DBR1: variants seen among roughly 807,000 people sequenced by gnomAD.
DBR1 encodes debranching RNA lariats 1.
Under a neutral mutation model 45.9 loss-of-function variants are expected in DBR1, and 33 were observed. The ratio of observed to expected loss-of-function variants is 0.72; its 90% CI spans 0.55 to 0.96. DBR1 has a LOEUF of 0.96. Ranked by LOEUF, DBR1 falls within the 40% of genes least tolerant of loss-of-function variation. The pLI is 0.00. For missense variants in DBR1, 619 were observed against 667.4 expected (o/e 0.93, Z 0.80); for synonymous variants, 235 against 235.9 (o/e 1.00, Z 0.04).
chr3:138,173,679 A>G, intron 1 of DBR1, 53 bp from the exon 2 acceptor site: 1 of 1,526,510 alleles, frequency 6.6e-7, no homozygotes. Flanking sequence ...CAGAAAAGCA[A>G]ATAAGTTCCG....
rs772853801 is a variant in DBR1 at position 138,162,467 on chromosome 3, G to T, written c.1057C>A (p.Pro353Thr). The T allele has an allele frequency of 1.9e-6, 3 of 1,613,992 alleles. No individual in the cohort carries two copies. Among genetic ancestry groups the T allele is most frequent in the Admixed American group, 1.7e-5 (1 of 59,996 alleles). ...VTAACYDPSK[P>T]QTQMQLIHRI... ...TGAATCAGCTGCATTTGTGTCTGTGGCTTGCTAGGATCATAACAAGCAGCT... is the reference window on the plus strand; with the variant it reads ...TGAATCAGCTGCATTTGTGTCTGTGTCTTGCTAGGATCATAACAAGCAGCT... Residue 353 changes from proline to threonine, a missense_variant, in exon 8 of 8, where the codon CCA becomes ACA. Physicochemically the swap from Pro to Thr is conservative, Grantham distance 38. Coordinates refer to ENST00000260803, the MANE Select transcript of DBR1 (RefSeq NM_016216.4).
At position 138,170,119 on chromosome 3, in the gene DBR1, A is replaced by G; in HGVS notation, c.477T>C (p.Tyr159=). ...GCTTTTTACGTACCTGTTTTAATTT[A>G]TAGACTTCAATATTTCTCACATGAT... ...SIYHVRNIEV[Y]KLKQLKQPID... The change falls in exon 4 of 8, where the codon TAT becomes TAC. Residue 159 remains tyrosine (Y), a synonymous_variant. Transcript: ENST00000260803. The G allele has an allele frequency of 2.5e-6, 4 of 1,581,116 alleles. No individual in the cohort carries two copies. Among genetic ancestry groups the G allele is most frequent in the Non-Finnish European group, 3.5e-6 (4 of 1,154,412 alleles).
At chr3:138,173,047 C>T (rs1477342642) in intron 2 of DBR1, among the ~76,000 whole-genome samples, 2 of 146,426 alleles carry the variant, frequency 1.4e-5, no homozygotes, top group African/African-American at 2.5e-5. Flanking sequence ...AATAATCTAA[C>T]GGTTGGACTT....
chr3:138,167,099 G>A lies in DBR1; in HGVS notation c.696C>T (p.Ala232=), dbSNP rs777515761. The A allele has an allele frequency of 2.3e-5, 37 of 1,613,920 alleles. No homozygotes were observed. Among genetic ancestry groups the A allele is most frequent in the African/African-American group, 8.0e-5 (6 of 74,898 alleles). The change falls in exon 5 of 8, where the codon GCC becomes GCT. Residue 232 remains alanine (A), a synonymous_variant. Coordinates refer to ENST00000260803, the MANE Select transcript of DBR1 (RefSeq NM_016216.4). ...TTTCTACCTGATGCTGCATCAAGGC[G>A]GCAAACTTCACATGAAGGTGGGCAG... ...WFSAHLHVKF[A]ALMQHQAKDK...
intron 4 of DBR1, among the ~76,000 whole-genome samples, chr3:138,168,734 A>T (rs1161724063): frequency 6.6e-6 from 1 of 151,964 alleles, no homozygotes; most frequent in Non-Finnish European, 1.5e-5. Context: ...AGGCAGAAGG[A>T]TCGCTTGAGT....
rs1172217232 is a variant in DBR1, at chr3:138,161,876, C to T, written c.*13G>A. 1 of 1,596,378 alleles carries T rather than the reference C, an allele frequency of 6.3e-7. No individual in the cohort carries two copies. The highest frequency in any genetic ancestry group is 1.3e-5 in the African/African-American group (1 of 74,474). On this transcript the variant is annotated 3_prime_UTR_variant, in exon 8 of 8. Coordinates refer to ENST00000260803, the MANE Select transcript of DBR1 (RefSeq NM_016216.4). ...AAACAAAACAAACACAAAAACAAAACAAGTAAATCATCTTAAGCTGCATCG... is the reference window on the plus strand; with the variant it reads ...AAACAAAACAAACACAAAAACAAAATAAGTAAATCATCTTAAGCTGCATCG...
intron 2 of DBR1, among the ~76,000 whole-genome samples, chr3:138,172,931 T>C (rs1208920339): frequency 1.3e-5 from 2 of 152,112 alleles, no homozygotes; most frequent in African/African-American, 4.8e-5. Context: ...ACCACGAACA[T>C]GGCAATAGAT....
Position 138,161,861 on chromosome 3 carries a change from AACAC to A in DBR1, c.*24_*27del. The A allele has an allele frequency of 1.3e-6, 2 of 1,579,444 alleles. No individual in the cohort carries two copies. ...AACTCCATCTCAAAAAAACAAAACA[AACAC>A]AAAAACAAAACAAGTAAATCATCTT... On this transcript the variant is annotated 3_prime_UTR_variant, in exon 8 of 8. Transcript: ENST00000260803.
At chr3:138,174,505 C>T in intron 1 of DBR1, 94 bp downstream of exon 1, 1 of 1,315,230 alleles carries the variant, frequency 7.6e-7, no homozygotes, top group Non-Finnish European at 1.1e-6. Context: ...ACAGAGAGAA[C>T]AAAGACAGGA....
At chr3:138,173,018 C>T (rs1179360287) in intron 2 of DBR1, among the ~76,000 whole-genome samples, 2 of 149,684 alleles carry the variant, frequency 1.3e-5, no homozygotes, top group Non-Finnish European at 3.0e-5. Context: ...AAAACATGTA[C>T]TGAAATATGT....
At chr3:138,168,855 G>A (rs895305246) in intron 4 of DBR1, among the ~76,000 whole-genome samples, 2 of 152,128 alleles carry the variant, frequency 1.3e-5, no homozygotes, top group East Asian at 3.8e-4. Flanking sequence ...CTATTCGGGA[G>A]GCTGAAGTGG....
intron 2 of DBR1, among the ~76,000 whole-genome samples, chr3:138,172,199 G>GT (rs1220952843): frequency 6.6e-6 from 1 of 152,202 alleles, no homozygotes; most frequent in Admixed American, 6.5e-5. Flanking sequence ...AAGATGATCA[G>GT]TAAGTAGCAA....
In DBR1 at chr3:138,174,620, C is replaced by G. The variant is rs962790720; in HGVS notation, c.176G>C (p.Arg59Pro). Residue 59 changes from arginine (R) to proline (P), a missense_variant, in exon 1 of 8, where the codon CGT (arginine) becomes CCT (proline). By Grantham distance (103) the Arg-to-Pro change is moderately radical. Transcript: ENST00000260803. ...LRCMAVPPKYRHMQTFYRYYS... is the reference protein window; with the variant it reads ...LRCMAVPPKYPHMQTFYRYYS... ...TCACCTGTAGAAGGTTTGCATGTGA[C>G]GATACTTGGGCGGCACGGCCATGCA... 1 of 1,607,430 alleles carries G rather than the reference C, an allele frequency of 6.2e-7. No individual in the cohort carries two copies. Among genetic ancestry groups the G allele is most frequent in the African/African-American group, 1.3e-5 (1 of 74,808 alleles).
Position 138,167,062 on chromosome 3 carries a change from T to C in DBR1, c.714+19A>G. On this transcript the variant is annotated intron_variant, in intron 5 of 7. Transcript: ENST00000260803. ...CAATAGTGTGTGTTAAATGAAAGAATAAACATTTTGTTTTCTACCTGATGC... is the reference window on the plus strand; with the variant it reads ...CAATAGTGTGTGTTAAATGAAAGAACAAACATTTTGTTTTCTACCTGATGC... The C allele has an allele frequency of 6.2e-7, 1 of 1,606,452 alleles. No individual in the cohort carries two copies. Among genetic ancestry groups the C allele is most frequent in the Non-Finnish European group, 8.5e-7 (1 of 1,173,190 alleles).
Position 138,173,630 on chromosome 3 carries a change from G to T in DBR1, c.198-4C>A, listed in dbSNP as rs1320481456. On this transcript the variant is annotated splice_region_variant and splice_polypyrimidine_tract_variant and intron_variant, in intron 1 of 7. Transcript: ENST00000260803. ...CTTTTTCTCTCCAGAGTAATACCTA[G>T]AACATAAGAGCAAAGTCAGTTACCA... 1 of 1,607,570 alleles carries T rather than the reference G, an allele frequency of 6.2e-7. No individual in the cohort carries two copies. Among genetic ancestry groups the T allele is most frequent in the Non-Finnish European group, 8.5e-7 (1 of 1,177,342 alleles).
In DBR1 at chr3:138,162,187, C is replaced by A. The variant is rs34889464; in HGVS notation, c.1337G>T (p.Gly446Val). ...DEDSIVSAHS[G>V]MNTPSVEPSD... ...AGGTTCTACCGATGGTGTATTCATG[C>A]CACTATGTGCACTTACAATACTATC... Residue 446 changes from glycine (G) to valine (V), a missense_variant, in exon 8 of 8, where the codon GGC becomes GTC. Physicochemically the swap from Gly to Val is moderately radical, Grantham distance 109. Around this residue, in one of 3 missense-constraint regions of DBR1, gnomAD observed 182 missense variants for 196.1 expected, o/e 0.93. Transcript: ENST00000260803. The A allele has an allele frequency of 1.2e-6, 2 of 1,614,138 alleles. No individual in the cohort carries two copies. The highest frequency in any genetic ancestry group is 2.2e-5 in the South Asian group (2 of 91,084).
At chr3:138,165,119 C>T (rs545554621) in intron 5 of DBR1, among the ~76,000 whole-genome samples, 1 of 152,126 alleles carries the variant, frequency 6.6e-6, no homozygotes. Flanking sequence ...AGCATGGCCT[C>T]TAAAAGGCAG....
intron 7 of DBR1, among the ~76,000 whole-genome samples, chr3:138,163,142 C>T (rs1232302944): frequency 2.0e-5 from 3 of 152,142 alleles, no homozygotes; most frequent in South Asian, 2.1e-4. Flanking sequence ...TGCCTGTGGT[C>T]CCAGCTACTC....
Position 138,174,700 on chromosome 3 carries a change from G to C in DBR1, c.96C>G (p.Asp32Glu). ...LAERRGPGPV[D>E]LLLCCGDFQA... ...GGAAGTCGCCGCAGCACAGCAAGAG[G>C]TCGACAGGCCCCGGGCCGCGCCGCT... The change falls in exon 1 of 8, where the codon GAC becomes GAG. Residue 32 changes from aspartate to glutamate, a missense_variant. By Grantham distance (45) the Asp-to-Glu change is conservative (BLOSUM62 2). Transcript: ENST00000260803. 1 of 1,613,000 alleles carries C rather than the reference G, an allele frequency of 6.2e-7. No homozygotes were observed. The highest frequency in any genetic ancestry group is 8.5e-7 in the Non-Finnish European group (1 of 1,179,680).
Sources: gnomAD v4.1 joint callset for allele counts (sites outside exome capture counted in the v4.1 genomes callset) on GRCh38, gnomAD v4.1.1 for gene constraint, gnomAD v4.1.1 regional missense constraint, MANE v1.5 for transcripts, NCBI Gene and HGNC (gene_info 2026-07-23, HGNC 2026-07-21) for gene names.